GPC5: variants seen among roughly 807,000 people sequenced by gnomAD.
GPC5 encodes glypican-5.
Under a neutral mutation model 53.9 loss-of-function variants are expected in GPC5, and 47 were observed. The observed-to-expected ratio is 0.87, with a 90% CI of 0.69 to 1.11. The LOEUF (loss-of-function observed/expected upper bound fraction) is 1.11, where lower values mean the gene tolerates loss of function less well. Among genes scored for constraint, GPC5 ranks in the 50% most tolerant of loss-of-function variants. The pLI, the probability that GPC5 is intolerant of heterozygous loss-of-function variation, is 0.00. For missense variants in GPC5, 748 were observed against 713.1 expected (o/e 1.05, Z -0.56); for synonymous variants, 286 against 263.3 (o/e 1.09, Z -0.84).
chr13:92,333,542 G>A lies in GPC5; in HGVS notation c.1561+188553G>A, dbSNP rs142279327. Among the ~76,000 whole-genome samples the A allele has an allele frequency of 9.2e-5, 14 of 152,190 alleles. No individual in the cohort carries two copies. The East Asian group carries it at 1.6e-3, about 17-fold the overall frequency. On this transcript the variant is annotated intron_variant, in intron 7 of 7. Coordinates refer to ENST00000377067, the MANE Select transcript of GPC5 (RefSeq NM_004466.6). ...TTTCTATTTATGGGGTGGTGGTGCTGAGAAGCACTTCTGAAGTTCACTTCT... is the reference window on the plus strand; with the variant it reads ...TTTCTATTTATGGGGTGGTGGTGCTAAGAAGCACTTCTGAAGTTCACTTCT...
chr13:91,872,537 C>A (rs1359471271), intron 5 of GPC5, among the ~76,000 whole-genome samples: 2 of 151,842 alleles, frequency 1.3e-5, no homozygotes, highest in Non-Finnish European at 2.9e-5. Context: ...ATATTATAAT[C>A]AAGAAAATTA....
At chr13:91,592,466 G>A (rs1340007840) in intron 2 of GPC5, among the ~76,000 whole-genome samples, 1 of 152,140 alleles carries the variant, frequency 6.6e-6, no homozygotes, top group Non-Finnish European at 1.5e-5. Context: ...TTGAGCAGAG[G>A]CCACAGCAGG....
intron 7 of GPC5, among the ~76,000 whole-genome samples, chr13:92,646,745 T>C (rs531543688): frequency 3.9e-5 from 6 of 152,088 alleles, no homozygotes; most frequent in Non-Finnish European, 8.8e-5. Flanking sequence ...TATATTTTAC[T>C]AGATCTATTC....
intron 5 of GPC5, among the ~76,000 whole-genome samples, chr13:91,862,750 A>C (rs1018455799): frequency 2.0e-5 from 3 of 152,120 alleles, no homozygotes; most frequent in Admixed American, 6.5e-5. Context: ...GCTACCATCT[A>C]ATTTTCAAGC....
At chr13:92,045,344 C>G (rs1566410353) in intron 6 of GPC5, among the ~76,000 whole-genome samples, 1 of 152,172 alleles carries the variant, frequency 6.6e-6, no homozygotes, top group Non-Finnish European at 1.5e-5. Context: ...GACATTAACC[C>G]TGACCATGAG....
chr13:91,549,344 A>T (rs2030489715), intron 2 of GPC5, among the ~76,000 whole-genome samples: 1 of 152,024 alleles, frequency 6.6e-6, no homozygotes, highest in African/African-American at 2.4e-5. Flanking sequence ...GGGTGTGGTT[A>T]TGACTTTTTA....
At chr13:92,052,799 T>C (rs1252959491) in intron 6 of GPC5, among the ~76,000 whole-genome samples, 4 of 152,238 alleles carry the variant, frequency 2.6e-5, no homozygotes, top group Non-Finnish European at 1.5e-5. Context: ...AGCAAGAGAT[T>C]CTCAGAGGTG....
intron 2 of GPC5, among the ~76,000 whole-genome samples, chr13:91,585,594 T>C (rs920560891): frequency 2.0e-5 from 3 of 152,154 alleles, no homozygotes; most frequent in African/African-American, 7.2e-5. Context: ...AAAAAAAATC[T>C]GTGGCGTTTG....
rs185389137 is a variant in GPC5 at position 92,352,437 on chromosome 13, C to A, written c.1561+207448C>A. 5.8e-3 allele frequency among the ~76,000 whole-genome samples: 888 copies of A among 152,124 alleles called. 9 individuals are homozygous for A. The highest frequency in any genetic ancestry group is 0.021 in the African/African-American group (851 of 41,500). ...ATAAACTAAGCAAGAAGCTAGGTTA[C>A]AAACTTGGATAATTGTACACAACTA... On this transcript the variant is annotated intron_variant, in intron 7 of 7. Transcript: ENST00000377067.
At chr13:92,201,698 A>T (rs1208466929) in intron 7 of GPC5, among the ~76,000 whole-genome samples, 1 of 152,138 alleles carries the variant, frequency 6.6e-6, no homozygotes, top group Non-Finnish European at 1.5e-5. Flanking sequence ...CAGGTGGGGG[A>T]GATTGCTAGA....
rs370807184 is a variant in GPC5, at chr13:91,469,699, A to G, written c.325+20777A>G. The stretch of plus-strand genomic sequence containing the variant: ...TACTCTCTTCTGATTTACTGCACTC[A>G]GAATTTTGTAAACCTTTGTTATATA... On this transcript the variant is annotated intron_variant, in intron 2 of 7. Transcript: ENST00000377067. Among the ~76,000 whole-genome samples, 7 of 152,146 alleles carry G rather than the reference A, an allele frequency of 4.6e-5. No individual in the cohort carries two copies. In the East Asian group the frequency reaches 7.7e-4, roughly 17 times the overall value.
intron 2 of GPC5, among the ~76,000 whole-genome samples, chr13:91,520,220 T>C (rs1404551092): frequency 6.6e-6 from 1 of 152,090 alleles, no homozygotes; most frequent in African/African-American, 2.4e-5. Context: ...GAATGAAAAA[T>C]AAAAAGGGTT....
intron 6 of GPC5, among the ~76,000 whole-genome samples, chr13:91,939,558 G>A (rs2039905377): frequency 6.6e-6 from 1 of 152,148 alleles, no homozygotes; most frequent in Non-Finnish European, 1.5e-5. Flanking sequence ...CATGTGTATA[G>A]TTTTCCCAAG....
chr13:91,430,150 T>C (rs974722625), intron 1 of GPC5, among the ~76,000 whole-genome samples: 11 of 152,212 alleles, frequency 7.2e-5, no homozygotes, highest in Non-Finnish European at 1.6e-4. Context: ...CCATACTGGA[T>C]ATGTGGCTTC....
chr13:92,404,717 G>C (rs899809953), intron 7 of GPC5, among the ~76,000 whole-genome samples: 1 of 149,664 alleles, frequency 6.7e-6, no homozygotes, highest in African/African-American at 2.5e-5. Context: ...TTCCAAAACT[G>C]GGAATTGAAG....
chr13:92,669,294 C>A (rs1045136458), intron 7 of GPC5, among the ~76,000 whole-genome samples: 36 of 152,092 alleles, frequency 2.4e-4, no homozygotes, highest in African/African-American at 8.7e-4. Context: ...TTTTATTTCA[C>A]CATGACTATG....
chr13:91,464,975 T>C (rs2139156866), intron 2 of GPC5, among the ~76,000 whole-genome samples: 1 of 152,264 alleles, frequency 6.6e-6, no homozygotes, highest in South Asian at 2.1e-4. Context: ...CATTTTTTTT[T>C]CTTTGCAGCA....
intron 7 of GPC5, among the ~76,000 whole-genome samples, chr13:92,630,240 G>A (rs1424127811): frequency 6.6e-6 from 1 of 152,118 alleles, no homozygotes; most frequent in Non-Finnish European, 1.5e-5. Context: ...TAACCTGAAA[G>A]CACAGGGAAG....
At chr13:91,448,480 G>A (rs555367351) in intron 1 of GPC5, among the ~76,000 whole-genome samples, 1 of 152,280 alleles carries the variant, frequency 6.6e-6, no homozygotes, top group South Asian at 2.1e-4. Flanking sequence ...TTGATTGAGC[G>A]CTGTACTTCA....
Sources: gnomAD v4.1 joint callset for allele counts (sites outside exome capture counted in the v4.1 genomes callset) on GRCh38, gnomAD v4.1.1 for gene constraint, MANE v1.5 for transcripts, NCBI Gene and HGNC (gene_info 2026-07-23, HGNC 2026-07-21) for gene names.